AFG1L: variants seen among roughly 807,000 people sequenced by gnomAD.
The protein encoded by AFG1L is AFG1 like ATPase.
A neutral mutation model predicts 62.2 loss-of-function variants in AFG1L; 53 were observed. The ratio of observed to expected loss-of-function variants is 0.85; its 90% CI spans 0.68 to 1.07. The LOEUF is 1.07. Ranked by LOEUF, AFG1L falls within the 50% of genes least tolerant of loss-of-function variation. The probability of loss-of-function intolerance (pLI) is 0.00; values close to 1 mark genes in which losing one functional copy is unlikely to be tolerated. For missense variants in AFG1L, 555 were observed against 590.5 expected, an observed-to-expected ratio of 0.94 and a Z score of 0.62; for synonymous variants, 228 against 210.3, an observed-to-expected ratio of 1.08 and a Z score of -0.73.
intron 10 of AFG1L, among the ~76,000 whole-genome samples, chr6:108,507,866 A>C (rs1054585066): frequency 1.3e-5 from 2 of 151,994 alleles, no homozygotes; most frequent in Non-Finnish European, 2.9e-5. Flanking sequence ...CCACAGTCTC[A>C]TCTGGTGCCT....
intron 6 of AFG1L, among the ~76,000 whole-genome samples, chr6:108,392,925 G>A (rs1000737915): frequency 1.3e-5 from 2 of 152,174 alleles, no homozygotes; most frequent in South Asian, 4.1e-4. Context: ...AAAGATCTGC[G>A]TATCCATGTG....
At chr6:108,398,943 T>A (rs1053148753) in intron 6 of AFG1L, among the ~76,000 whole-genome samples, 12 of 152,198 alleles carry the variant, frequency 7.9e-5, no homozygotes, top group African/African-American at 2.9e-4. Context: ...CTTTTCTGAT[T>A]CCATATAAAT....
Position 108,468,868 on chromosome 6 carries a change from T to C in AFG1L, c.891-7997T>C, listed in dbSNP as rs77452848. ...TAGCAGTCCTATTTAGAGCTCTTCCTTATGCCTTTGTTGTTCTTTTGGTTT... is the reference window on the plus strand; with the variant it reads ...TAGCAGTCCTATTTAGAGCTCTTCCCTATGCCTTTGTTGTTCTTTTGGTTT... On this transcript the variant is annotated intron_variant, in intron 8 of 12. Coordinates refer to ENST00000368977, the MANE Select transcript of AFG1L (RefSeq NM_145315.5). Among the ~76,000 whole-genome samples the C allele has an allele frequency of 4.6e-3, 698 of 152,138 alleles. 5 individuals are homozygous for C. Among genetic ancestry groups the C allele is most frequent in the African/African-American group, 0.015 (623 of 41,518 alleles).
At chr6:108,499,478 C>G (rs1774101784) in intron 10 of AFG1L, among the ~76,000 whole-genome samples, 1 of 150,692 alleles carries the variant, frequency 6.6e-6, no homozygotes, top group Non-Finnish European at 1.5e-5. Context: ...TTGCTTATGC[C>G]TGTAATCCCA....
chr6:108,364,972 ACCCAGG>A (rs1649250031), intron 5 of AFG1L, among the ~76,000 whole-genome samples: 1 of 152,006 alleles, frequency 6.6e-6, no homozygotes, highest in African/African-American at 2.4e-5. Context: ...GACCTGTGCA[ACCCAGG>A]TTATTGTTAA....
At chr6:108,439,618 TA>T (rs1771454516) in intron 7 of AFG1L, among the ~76,000 whole-genome samples, 1 of 152,130 alleles carries the variant, frequency 6.6e-6, no homozygotes, top group African/African-American at 2.4e-5. Flanking sequence ...AAGGTGATAT[TA>T]GGGGGGCTTC....
intron 6 of AFG1L, among the ~76,000 whole-genome samples, chr6:108,372,250 A>G (rs1476222360): frequency 1.3e-5 from 2 of 151,506 alleles, no homozygotes; most frequent in African/African-American, 4.8e-5. Flanking sequence ...TTTGCTAGGA[A>G]AAGATTTTTA....
intron 11 of AFG1L, among the ~76,000 whole-genome samples, chr6:108,515,986 C>A (rs1228808528): frequency 5.9e-5 from 9 of 152,132 alleles, no homozygotes; most frequent in Non-Finnish European, 5.9e-5. Flanking sequence ...CAATAACAGG[C>A]TCTGAAATTG....
intron 11 of AFG1L, among the ~76,000 whole-genome samples, chr6:108,510,759 A>G (rs181484531): frequency 6.9e-4 from 105 of 152,352 alleles, no homozygotes; most frequent in Non-Finnish European, 8.1e-4. Context: ...TATTTGTTGC[A>G]TGAATAAATG....
intron 7 of AFG1L, among the ~76,000 whole-genome samples, chr6:108,443,905 A>C (rs1307201701): frequency 6.6e-6 from 1 of 152,168 alleles, no homozygotes; most frequent in African/African-American, 2.4e-5. Context: ...TTCATTAATA[A>C]AAATAGTGAT....
At position 108,488,839 on chromosome 6, in the gene AFG1L, G is replaced by A. The variant is rs1325291496; in HGVS notation, c.1062+11547G>A. Among the ~76,000 whole-genome samples the A allele has an allele frequency of 5.9e-5, 9 of 152,178 alleles. No individual in the cohort carries two copies. In the South Asian group the frequency reaches 1.0e-3, roughly 18 times the overall value. ...TGCACTCCAGCCTGGGTGACAGAGC[G>A]AGACTCTGTCTCCAGAAACAAACAA... On this transcript the variant is annotated intron_variant, in intron 10 of 12. Transcript: ENST00000368977.
At chr6:108,511,796 A>G (rs1316009713) in intron 11 of AFG1L, among the ~76,000 whole-genome samples, 1 of 152,182 alleles carries the variant, frequency 6.6e-6, no homozygotes, top group Non-Finnish European at 1.5e-5. Flanking sequence ...TTAATGTTTC[A>G]TTTGCTCATT....
chr6:108,382,524 G>GA (rs958264218), intron 6 of AFG1L, among the ~76,000 whole-genome samples: 2 of 151,964 alleles, frequency 1.3e-5, no homozygotes, highest in African/African-American at 4.8e-5. Context: ...CTTCTAGGGG[G>GA]AAAAAATACA....
intron 8 of AFG1L, among the ~76,000 whole-genome samples, chr6:108,468,198 C>T (rs1582629967): frequency 6.6e-6 from 1 of 152,288 alleles, no homozygotes; most frequent in Middle Eastern, 3.4e-3. Context: ...CTATTAGAAG[C>T]AGAACTCTTC....
At chr6:108,466,732 TATATATTTTTTAAA>T (rs1480160451) in intron 8 of AFG1L, among the ~76,000 whole-genome samples, 1 of 147,998 alleles carries the variant, frequency 6.8e-6, no homozygotes, top group Non-Finnish European at 1.5e-5. Flanking sequence ...AAATTATATA[TATATATTTTTTAAA>T]ATATATTTGT....
chr6:108,373,021 G>T (rs1188183536), intron 6 of AFG1L: 1 of 152,006 alleles, frequency 6.6e-6, no homozygotes, highest in Admixed American at 6.6e-5. Flanking sequence ...ATTTATTTTT[G>T]TTTTTTACTT....
At chr6:108,460,463 A>G (rs1216821176) in intron 8 of AFG1L, among the ~76,000 whole-genome samples, 1 of 152,154 alleles carries the variant, frequency 6.6e-6, no homozygotes, top group Non-Finnish European at 1.5e-5. Context: ...TAAATTGTTT[A>G]ATTCATTTGC....
chr6:108,464,152 A>G (rs186352422), intron 8 of AFG1L, among the ~76,000 whole-genome samples: 5 of 152,332 alleles, frequency 3.3e-5, no homozygotes, highest in Admixed American at 2.0e-4. Context: ...ATAAAGAAGC[A>G]AAGTGTGGGT....
intron 5 of AFG1L, among the ~76,000 whole-genome samples, chr6:108,358,038 A>C (rs1015103364): frequency 6.6e-6 from 1 of 152,232 alleles, no homozygotes; most frequent in African/African-American, 2.4e-5. Flanking sequence ...AGGTCTTCCA[A>C]GTAAAGGCTT....
Sources: gnomAD v4.1 joint callset for allele counts (sites outside exome capture counted in the v4.1 genomes callset) on GRCh38, gnomAD v4.1.1 for gene constraint, MANE v1.5 for transcripts, NCBI Gene and HGNC (gene_info 2026-07-23, HGNC 2026-07-21) for gene names.